The following RPAP2 variants were observed in gnomAD, a reference collection of about 807,000 sequenced individuals.
RPAP2 encodes the protein putative RNA polymerase II subunit B1 CTD phosphatase RPAP2.
In RPAP2, 52 loss-of-function variants were observed where a neutral mutation model predicts 73.1. That is an observed-to-expected ratio of 0.71 (90% confidence interval 0.57 to 0.90). The LOEUF is 0.90. Ranked by LOEUF, RPAP2 falls within the 40% of genes least tolerant of loss-of-function variation. The probability of loss-of-function intolerance (pLI) is 0.00; values close to 1 mark genes in which losing one functional copy is unlikely to be tolerated. For synonymous variants in RPAP2, 225 were observed against 242.1 expected (o/e 0.93, Z 0.65); for missense variants, 598 against 701.8 (o/e 0.85, Z 1.67).
chr1:92,348,155 C>T (rs1229177075), intron 11 of RPAP2, among the ~76,000 whole-genome samples: 1 of 152,178 alleles, frequency 6.6e-6, no homozygotes. Flanking sequence ...TCCCAAAGTG[C>T]TGTGATTACA....
At chr1:92,336,481 C>T in intron 10 of RPAP2, 54 bp downstream of exon 10, 2 of 1,230,236 alleles carry the variant, frequency 1.6e-6, no homozygotes, top group African/African-American at 1.5e-5. Flanking sequence ...TTATTTATTG[C>T]CTTGCAGAAT....
At chr1:92,315,597 A>C (rs1426279259) in intron 6 of RPAP2, among the ~76,000 whole-genome samples, 1 of 152,238 alleles carries the variant, frequency 6.6e-6, no homozygotes, top group Non-Finnish European at 1.5e-5. Context: ...TACCAAAACC[A>C]AACAATATCC....
rs759865217 is a variant in RPAP2, at chr1:92,324,241, A to T, written c.1321A>T (p.Thr441Ser). Residue 441 changes from threonine to serine, a missense_variant, in exon 8 of 13, where the codon ACA becomes TCA. Coordinates refer to ENST00000610020, the MANE Select transcript of RPAP2 (RefSeq NM_024813.3). Reference sequence around the variant, plus strand: ...GTCTTTACCTTTTAGGGGCTCAGGTACAGCCATTAAACCACTGCCAAGTTA... The same window carrying T: ...GTCTTTACCTTTTAGGGGCTCAGGTTCAGCCATTAAACCACTGCCAAGTTA... ...DESLPFRGSG[T>S]AIKPLPSYEN... 6.2e-7 allele frequency: 1 copy of T among 1,614,094 alleles called. No individual in the cohort carries two copies. The highest frequency in any genetic ancestry group is 1.1e-5 in the South Asian group (1 of 91,078).
Position 92,311,190 on chromosome 1 carries a change from A to C in RPAP2, c.488+3914A>C, listed in dbSNP as rs989873151. ...CGTTTTTGGTTGTTTTACTGTAGGAAACCTGCTTCTCAACACTAAGTCTCA... is the reference window on the plus strand; with the variant it reads ...CGTTTTTGGTTGTTTTACTGTAGGACACCTGCTTCTCAACACTAAGTCTCA... On this transcript the variant is annotated intron_variant, in intron 6 of 12. Coordinates refer to ENST00000610020, the MANE Select transcript of RPAP2 (RefSeq NM_024813.3). 2.0e-5 allele frequency among the ~76,000 whole-genome samples: 3 copies of C among 152,152 alleles called. No homozygotes were observed. In the East Asian group the frequency reaches 5.8e-4, roughly 29 times the overall value.
chr1:92,332,245 G>A (rs928900831), intron 8 of RPAP2, among the ~76,000 whole-genome samples: 4 of 151,514 alleles, frequency 2.6e-5, no homozygotes, highest in African/African-American at 9.7e-5. Flanking sequence ...TTTCTACTAT[G>A]CTTTTATGTC....
rs865864940 is a variant in RPAP2, at chr1:92,324,329, G to A, written c.1409G>A (p.Arg470Gln). 6.8e-6 allele frequency: 11 copies of A among 1,613,820 alleles called. No individual in the cohort carries two copies. The highest frequency in any genetic ancestry group is 4.0e-5 in the African/African-American group (3 of 74,886). Reference sequence around the variant, plus strand: ...AGGATCAGGGAGTTTTACAGAGGACGGTATGTTTTGGGTGAAGAAACCACC... The same window carrying A: ...AGGATCAGGGAGTTTTACAGAGGACAGTATGTTTTGGGTGAAGAAACCACC... Reference protein sequence around the residue: ...NLRIREFYRGRYVLGEETTKS... With the variant: ...NLRIREFYRGQYVLGEETTKS... Residue 470 changes from arginine (R) to glutamine (Q), a missense_variant, in exon 8 of 13, where the codon CGG (arginine) becomes CAG (glutamine). Around this residue, in one of 3 missense-constraint regions of RPAP2, gnomAD observed 506 missense variants for 612.8 expected, o/e 0.83. Transcript: ENST00000610020.
At chr1:92,360,499 G>A (rs900227106) in intron 11 of RPAP2, among the ~76,000 whole-genome samples, 1 of 152,172 alleles carries the variant, frequency 6.6e-6, no homozygotes, top group Admixed American at 6.5e-5. Context: ...AGATTCTCAG[G>A]ATAGTGGAAG....
intron 11 of RPAP2, among the ~76,000 whole-genome samples, chr1:92,368,567 T>C (rs1302927545): frequency 1.3e-5 from 2 of 152,224 alleles, no homozygotes. Context: ...TTCTGAGGTT[T>C]AGTCAAGAGT....
chr1:92,334,089 T>C (rs900654937), intron 9 of RPAP2, among the ~76,000 whole-genome samples: 4 of 152,236 alleles, frequency 2.6e-5, no homozygotes, highest in African/African-American at 9.6e-5. Context: ...GTTGAACTTT[T>C]CAACCTGCAT....
intron 8 of RPAP2, among the ~76,000 whole-genome samples, chr1:92,328,790 C>A (rs1652791384): frequency 6.6e-6 from 1 of 152,150 alleles, no homozygotes; most frequent in Non-Finnish European, 1.5e-5. Flanking sequence ...GAAGGAAGAT[C>A]TGGGACTCAA....
At chr1:92,306,730 T>G (rs1208068770) in intron 5 of RPAP2, among the ~76,000 whole-genome samples, 3 of 151,960 alleles carry the variant, frequency 2.0e-5, no homozygotes, top group Non-Finnish European at 2.9e-5. Context: ...TCCAAGCTAC[T>G]CAGGAGGCTG....
intron 6 of RPAP2, among the ~76,000 whole-genome samples, chr1:92,311,872 G>T (rs1651614314): frequency 6.6e-6 from 1 of 152,134 alleles, no homozygotes; most frequent in Admixed American, 6.5e-5. Flanking sequence ...ATTGCTTAAA[G>T]ATGCTACTGA....
chr1:92,309,913 A>C (rs1348084697), intron 6 of RPAP2, among the ~76,000 whole-genome samples: 1 of 152,188 alleles, frequency 6.6e-6, no homozygotes, highest in African/African-American at 2.4e-5. Flanking sequence ...GGAGCCATCA[A>C]ATGTTTTTGA....
chr1:92,369,061 A>G (rs945549871), intron 11 of RPAP2, among the ~76,000 whole-genome samples: 20 of 152,250 alleles, frequency 1.3e-4, no homozygotes, highest in Admixed American at 9.8e-4. Context: ...AGCCATCTTA[A>G]GTGTCACCTT....
At chr1:92,367,236 A>T (rs1004393696) in intron 11 of RPAP2, among the ~76,000 whole-genome samples, 1 of 152,310 alleles carries the variant, frequency 6.6e-6, no homozygotes, top group East Asian at 1.9e-4. Context: ...GATTTCCTCA[A>T]ATATAACCGT....
chr1:92,373,875 C>T (rs990447871), intron 11 of RPAP2, among the ~76,000 whole-genome samples: 4 of 150,632 alleles, frequency 2.7e-5, no homozygotes, highest in Admixed American at 6.6e-5. Flanking sequence ...GCAGAGATAG[C>T]GCCATTGTAC....
intron 10 of RPAP2, among the ~76,000 whole-genome samples, chr1:92,344,639 G>A (rs1162800583): frequency 6.6e-6 from 1 of 151,890 alleles, no homozygotes; most frequent in Admixed American, 6.6e-5. Flanking sequence ...TAAATAGCTG[G>A]GCTGTTTATA....
At chr1:92,333,624 A>AT (rs1456127297) in intron 9 of RPAP2, 151 bp downstream of exon 9, 3 of 634,006 alleles carry the variant, frequency 4.7e-6, no homozygotes, top group Non-Finnish European at 8.1e-6. Flanking sequence ...AGAAATTTGG[A>AT]TTTTTAAGAT....
In RPAP2 at chr1:92,389,110, T is replaced by C. The variant is rs1655964170; in HGVS notation, c.*2099T>C. On this transcript the variant is annotated 3_prime_UTR_variant, in exon 13 of 13. Transcript: ENST00000610020. ...CTCAAGTGGGTCCCTGACCCCCGTG[T>C]AGCCTGACTGGGAGACATCTCCCAG... The C allele has an allele frequency of 6.6e-6, 1 of 152,370 alleles. No individual in the cohort carries two copies. The highest frequency in any genetic ancestry group is 2.4e-5 in the African/African-American group (1 of 41,454). 9.4% of individuals were successfully genotyped at this position (152,370 alleles called of 1,614,324 possible). A position where few individuals can be genotyped will look rare whatever the true frequency, so the allele number is the denominator to read the frequency against.
Sources: allele counts gnomAD v4.1 joint callset (sites outside exome capture counted in the v4.1 genomes callset), GRCh38; gene constraint gnomAD v4.1.1; regional missense constraint gnomAD v4.1.1; transcripts MANE v1.5; gene names NCBI Gene and HGNC (gene_info 2026-07-23, HGNC 2026-07-21).